SARDH: variants seen among roughly 807,000 people sequenced by gnomAD.
SARDH encodes the protein sarcosine dehydrogenase.
In SARDH, 95 loss-of-function variants were observed where a neutral mutation model predicts 109.1. The observed-to-expected ratio is 0.87, with a 90% CI of 0.74 to 1.03. The LOEUF (loss-of-function observed/expected upper bound fraction) is 1.03, where lower values mean the gene tolerates loss of function less well. SARDH is among the 50% of genes least tolerant of loss of function. SARDH has a pLI of 0.00. For synonymous variants in SARDH, 572 were observed against 534.8 expected, an observed-to-expected ratio of 1.07 and a Z score of -0.96; for missense variants, 1,267 against 1,287.8, an observed-to-expected ratio of 0.98 and a Z score of 0.25.
intron 10 of SARDH, 99 bp from the exon 11 acceptor site, chr9:133,708,527 C>T (rs1588430972): frequency 1.4e-5 from 20 of 1,414,020 alleles, no homozygotes; most frequent in Middle Eastern, 1.9e-4. Context: ...GTCCCCTGCA[C>T]CAGAGTCCCC....
chr9:133,708,427 G>T lies in SARDH; in HGVS notation c.1330C>A (p.Arg444Ser). The T allele has an allele frequency of 6.2e-7, 1 of 1,608,164 alleles. No homozygotes were observed. Reference protein sequence around the residue: ...EKDMHGYDIRRFHHSLTDHPR... With the variant: ...EKDMHGYDIRSFHHSLTDHPR... ...TGGTCCGTGAGCGAGTGATGGAAGC[G>T]CCTGCCGCAGACAGGGGGACGGGTC... The change falls in exon 11 of 21, where the codon CGC (arginine) becomes AGC (serine). Residue 444 changes from arginine (R) to serine (S), a missense_variant and splice_region_variant. Coordinates refer to ENST00000439388, the MANE Select transcript of SARDH (RefSeq NM_001134707.2).
chr9:133,660,657 C>A (rs897313303), downstream of SARDH, among the ~76,000 whole-genome samples: 1 of 152,106 alleles, frequency 6.6e-6, no homozygotes, highest in African/African-American at 2.4e-5. Context: ...CCTATCTGCC[C>A]ACCGAGGAGA....
chr9:133,723,281 G>C (rs1832386632), intron 6 of SARDH, among the ~76,000 whole-genome samples: 1 of 152,160 alleles, frequency 6.6e-6, no homozygotes, highest in Non-Finnish European at 1.5e-5. Flanking sequence ...TTAAATAGCT[G>C]ACCCTAAAGT....
chr9:133,695,981 A>C (rs549546793), intron 14 of SARDH, among the ~76,000 whole-genome samples: 2 of 151,862 alleles, frequency 1.3e-5, no homozygotes, highest in South Asian at 4.2e-4. Context: ...AAGAGTAGAG[A>C]GGAAGGCAGA....
At position 133,666,974 on chromosome 9, in the gene SARDH, C is replaced by A; in HGVS notation, c.2496-104G>T. 8.1e-6 allele frequency: 12 copies of A among 1,488,464 alleles called. No individual in the cohort carries two copies. The highest frequency in any genetic ancestry group is 1.1e-5 in the Non-Finnish European group (12 of 1,091,676). 92.2% of individuals were successfully genotyped at this position (1,488,464 alleles called of 1,614,324 possible). ...GGGGGGCTGCATGATGCACACCCAA[C>A]CGTGGCTCCAGGCAGATAGGGCTGG... On this transcript the variant is annotated intron_variant, in intron 19 of 20. Coordinates refer to ENST00000439388, the MANE Select transcript of SARDH (RefSeq NM_001134707.2). This position sits in a 1 kb window ranked among gnomAD's most constrained non-coding sequence, Gnocchi z 5.2.
intron 17 of SARDH, among the ~76,000 whole-genome samples, chr9:133,677,448 G>T (rs1412032962): frequency 1.6e-4 from 24 of 152,156 alleles, no homozygotes; most frequent in Admixed American, 1.5e-3. Context: ...ACCTGGCCAG[G>T]TGGGGGTCAA....
At chr9:133,705,507 G>T (rs544616932) in intron 11 of SARDH, among the ~76,000 whole-genome samples, 2 of 141,202 alleles carry the variant, frequency 1.4e-5, no homozygotes, top group East Asian at 4.2e-4. Flanking sequence ...TCTTGCCCCA[G>T]GAATCCCATC....
chr9:133,694,138 C>T, intron 15 of SARDH, 120 bp downstream of exon 15: 1 of 717,746 alleles, frequency 1.4e-6, no homozygotes, highest in South Asian at 1.9e-5. Context: ...ACAGCGGGCA[C>T]AACAGCTAAT....
intron 19 of SARDH, among the ~76,000 whole-genome samples, chr9:133,669,359 C>G (rs115697671): frequency 0.012 from 1,536 of 129,532 alleles, 77 homozygotes; most frequent in African/African-American, 0.045. Flanking sequence ...CCCCTCGTCA[C>G]TCTGACACTC....
At chr9:133,732,336 AG>A in intron 3 of SARDH, 86 bp downstream of exon 3, 1 of 413,990 alleles carries the variant, frequency 2.4e-6, no homozygotes. Flanking sequence ...ACCCCCCCAC[AG>A]GGGGTGCACC....
chr9:133,708,792 G>C (rs549564780), intron 10 of SARDH, among the ~76,000 whole-genome samples: 2 of 152,150 alleles, frequency 1.3e-5, no homozygotes, highest in African/African-American at 4.8e-5. Flanking sequence ...GGGAGGGAGC[G>C]GCCCCTGGGA....
intron 8 of SARDH, among the ~76,000 whole-genome samples, chr9:133,716,141 C>T (rs1271549235): frequency 6.6e-6 from 1 of 152,230 alleles, no homozygotes; most frequent in African/African-American, 2.4e-5. Flanking sequence ...GGCTGCCCCT[C>T]CTCCTGGCCG....
chr9:133,691,206 A>ACACACACACG (rs1831084293), intron 15 of SARDH, among the ~76,000 whole-genome samples: 1 of 147,944 alleles, frequency 6.8e-6, no homozygotes, highest in Non-Finnish European at 1.5e-5. Flanking sequence ...ACACACACAC[A>ACACACACACG]CACACACACG....
intron 2 of SARDH, 31 bp downstream of exon 2, chr9:133,733,812 T>C: frequency 2.1e-6 from 3 of 1,444,640 alleles, no homozygotes; most frequent in Non-Finnish European, 1.8e-6. Flanking sequence ...GTCCTATCCT[T>C]CCCTGCCCCT....
At chr9:133,710,792 G>A (rs372798822) in intron 10 of SARDH, among the ~76,000 whole-genome samples, 10 of 152,372 alleles carry the variant, frequency 6.6e-5, no homozygotes, top group South Asian at 2.1e-4. Flanking sequence ...TGCTGGTGGC[G>A]GCCGTCCACT....
rs3025446 is a variant in SARDH, at chr9:133,682,088, G to A, written c.2163+3105C>T. On this transcript the variant is annotated intron_variant, in intron 17 of 20. Coordinates refer to ENST00000439388, the MANE Select transcript of SARDH (RefSeq NM_001134707.2). Reference sequence around the variant, plus strand: ...GAACCGCACATACCTCCGACCTGGTGGGCCCAGCTCTACCCTCTCTCAGAC... The same window carrying A: ...GAACCGCACATACCTCCGACCTGGTAGGCCCAGCTCTACCCTCTCTCAGAC... 4.8e-3 allele frequency among the ~76,000 whole-genome samples: 737 copies of A among 152,280 alleles called. 8 individuals are homozygous for A. The highest frequency in any genetic ancestry group is 0.016 in the African/African-American group (677 of 41,540).
chr9:133,697,062 G>A (rs1831312462), intron 13 of SARDH, among the ~76,000 whole-genome samples: 2 of 152,172 alleles, frequency 1.3e-5, no homozygotes, highest in African/African-American at 4.8e-5. Context: ...TCTAGCTAGA[G>A]TGACAGAGAA....
chr9:133,670,779 G>C (rs758082091), intron 18 of SARDH, 27 bp from the exon 19 acceptor site: 2 of 1,543,420 alleles, frequency 1.3e-6, no homozygotes, highest in Non-Finnish European at 1.7e-6. Flanking sequence ...CATGGGGTCG[G>C]TGCCACCCTG....
rs775156953 is a variant in SARDH at position 133,696,203 on chromosome 9, C to T, written c.1807+20G>A. 6.2e-7 allele frequency: 1 copy of T among 1,612,738 alleles called. No homozygotes were observed. On this transcript the variant is annotated intron_variant, in intron 14 of 20. Coordinates refer to ENST00000439388, the MANE Select transcript of SARDH (RefSeq NM_001134707.2). Reference sequence around the variant, plus strand: ...CCCATGGAGTGACAGGAACATGCCCCCCAACCTCAGGCTCCATACCTGGGG... The same window carrying T: ...CCCATGGAGTGACAGGAACATGCCCTCCAACCTCAGGCTCCATACCTGGGG...
Sources: allele counts gnomAD v4.1 joint callset (sites outside exome capture counted in the v4.1 genomes callset), GRCh38; gene constraint gnomAD v4.1.1; non-coding constraint Gnocchi (gnomAD v3.1); transcripts MANE v1.5; gene names NCBI Gene and HGNC (gene_info 2026-07-23, HGNC 2026-07-21).